Variants in LONRF1 observed in about 807,000 individuals in gnomAD.
LONRF1 encodes LON peptidase N-terminal domain and RING finger protein 1.
In LONRF1, 37 loss-of-function variants were observed where a neutral mutation model predicts 85.8. The observed-to-expected ratio is 0.43, with a 90% CI of 0.33 to 0.57. The LOEUF is 0.57. Among genes scored for constraint, LONRF1 ranks in the 20% least tolerant of loss-of-function variants. The pLI, the probability that LONRF1 is intolerant of heterozygous loss-of-function variation, is 0.04. For synonymous variants in LONRF1, 517 were observed against 390.1 expected (o/e 1.33, Z -3.83); for missense variants, 1,036 against 978.0 (o/e 1.06, Z -0.79).
chr8:12,726,950 T>C (rs533392940), intron 10 of LONRF1, among the ~76,000 whole-genome samples: 77 of 152,182 alleles, frequency 5.1e-4, no homozygotes, highest in African/African-American at 1.9e-3. Context: ...TCAAAGATGG[T>C]TAAAATGGTA....
chr8:12,751,400 G>C (rs563311072), intron 1 of LONRF1, among the ~76,000 whole-genome samples: 23 of 140,496 alleles, frequency 1.6e-4, no homozygotes, highest in African/African-American at 3.4e-4. Context: ...TCCACTTTCC[G>C]GGTTCAAGCA....
intron 4 of LONRF1, among the ~76,000 whole-genome samples, 159 bp downstream of exon 4, chr8:12,737,836 T>C (rs745629753): frequency 2.3e-4 from 35 of 152,338 alleles, no homozygotes; most frequent in Non-Finnish European, 4.3e-4. Flanking sequence ...TAAAAGATTT[T>C]AGTGTAAAGT....
chr8:12,753,072 T>G (rs1027191067), intron 1 of LONRF1: 1 of 152,228 alleles, frequency 6.6e-6, no homozygotes, highest in African/African-American at 2.4e-5. Context: ...CAGTTTCTCT[T>G]CTCTTTATTC....
chr8:12,723,475 G>A (rs1035221315), intron 11 of LONRF1, among the ~76,000 whole-genome samples: 4 of 152,176 alleles, frequency 2.6e-5, no homozygotes, highest in Admixed American at 6.5e-5. Flanking sequence ...TGGCAGAGCC[G>A]AGATTCAAAT....
chr8:12,730,214 C>G (rs957092823), intron 8 of LONRF1, among the ~76,000 whole-genome samples: 1 of 152,112 alleles, frequency 6.6e-6, no homozygotes, highest in Admixed American at 6.5e-5. Context: ...TGTGTATGAA[C>G]TGAATTAGAA....
chr8:12,729,398 A>G lies in LONRF1; in HGVS notation c.1689-66T>C. 5 of 1,493,688 alleles carry G rather than the reference A, an allele frequency of 3.3e-6. No individual in the cohort carries two copies. The Admixed American group carries it at 8.9e-5, about 27-fold the overall frequency. 92.5% of individuals were successfully genotyped at this position (1,493,688 alleles called of 1,614,324 possible). On this transcript the variant is annotated intron_variant, in intron 8 of 11. Coordinates refer to ENST00000398246, the MANE Select transcript of LONRF1 (RefSeq NM_152271.5). Reference sequence around the variant, plus strand: ...AAAATATTACCGAACACATACAAAAAATGAGTGAGGTTTATAACAGTAATG... The same window carrying G: ...AAAATATTACCGAACACATACAAAAGATGAGTGAGGTTTATAACAGTAATG...
At chr8:12,738,291 G>GT in intron 3 of LONRF1, 147 bp from the exon 4 acceptor site, 1 of 548,304 alleles carries the variant, frequency 1.8e-6, no homozygotes, top group Non-Finnish European at 3.0e-6. Flanking sequence ...AAGCAACACT[G>GT]TAAGTTCAAA....
chr8:12,724,332 G>T (rs1806066343), intron 11 of LONRF1, among the ~76,000 whole-genome samples: 1 of 152,152 alleles, frequency 6.6e-6, no homozygotes, highest in South Asian at 2.1e-4. Flanking sequence ...TTTCTCCACT[G>T]CTGTAGACTG....
At chr8:12,739,341 CA>C (rs35823658) in intron 3 of LONRF1, among the ~76,000 whole-genome samples, 88,790 of 106,120 alleles carry the variant, frequency 0.84, 36,203 homozygotes, top group Admixed American at 0.89. Flanking sequence ...ATATGTTCAG[CA>C]AAAAAAAAAA....
Position 12,737,086 on chromosome 8 carries a change from C to T in LONRF1, c.1168G>A (p.Ala390Thr). The T allele has an allele frequency of 1.2e-6, 2 of 1,613,584 alleles. No homozygotes were observed. The highest frequency in any genetic ancestry group is 1.7e-6 in the Non-Finnish European group (2 of 1,179,676). Residue 390 changes from alanine (A) to threonine (T), a missense_variant, in exon 5 of 12, where the codon GCT (alanine) becomes ACT (threonine). Coordinates refer to ENST00000398246, the MANE Select transcript of LONRF1 (RefSeq NM_152271.5). ...SEPVKGSLNR[A>T]QSAQSINSTE... ...GAATTTATAGACTGTGCTGACTGAGCACGGTTTAAGCTTCCTTTGACAGGC... is the reference window on the plus strand; with the variant it reads ...GAATTTATAGACTGTGCTGACTGAGTACGGTTTAAGCTTCCTTTGACAGGC...
chr8:12,725,548 T>G (rs191687258), intron 11 of LONRF1, among the ~76,000 whole-genome samples, 179 bp downstream of exon 11: 33 of 152,264 alleles, frequency 2.2e-4, no homozygotes, highest in Non-Finnish European at 2.2e-4. Flanking sequence ...GTACGGAATG[T>G]AGTGGAGACC....
chr8:12,748,282 G>A (rs927043447), intron 1 of LONRF1, among the ~76,000 whole-genome samples: 1 of 152,046 alleles, frequency 6.6e-6, no homozygotes, highest in Non-Finnish European at 1.5e-5. Context: ...ATGGCTCACC[G>A]CAGCCTCGAC....
chr8:12,730,566 T>G (rs1010068176), intron 8 of LONRF1, among the ~76,000 whole-genome samples: 8 of 149,998 alleles, frequency 5.3e-5, no homozygotes, highest in African/African-American at 2.0e-4. Context: ...GTCTCCCTCC[T>G]CTGTCCTTTG....
At chr8:12,743,355 C>T (rs1464410779) in intron 1 of LONRF1, 73 bp from the exon 2 acceptor site, 3 of 954,608 alleles carry the variant, frequency 3.1e-6, no homozygotes, top group South Asian at 3.1e-5. Flanking sequence ...TATGATCATA[C>T]CAGATTAAGA....
At chr8:12,743,549 T>A (rs917063046) in intron 1 of LONRF1, among the ~76,000 whole-genome samples, 2 of 152,212 alleles carry the variant, frequency 1.3e-5, no homozygotes, top group Non-Finnish European at 2.9e-5. Flanking sequence ...ATAATATGAA[T>A]AATCACTCCT....
chr8:12,735,807 C>T (rs967646514), intron 6 of LONRF1, among the ~76,000 whole-genome samples: 6 of 152,050 alleles, frequency 3.9e-5, no homozygotes, highest in African/African-American at 1.2e-4. Flanking sequence ...TTTTGTATAG[C>T]CTTTAGATTC....
intron 1 of LONRF1, 92 bp downstream of exon 1, chr8:12,754,608 G>C: frequency 4.1e-6 from 5 of 1,220,780 alleles, no homozygotes; most frequent in Non-Finnish European, 4.1e-6. Context: ...AAGCAGAGGA[G>C]ACTCTCGGGG....
At chr8:12,741,634 G>A (rs978417784) in intron 2 of LONRF1, among the ~76,000 whole-genome samples, 28 of 151,770 alleles carry the variant, frequency 1.8e-4, no homozygotes, top group African/African-American at 6.0e-4. Flanking sequence ...GAAATTATAC[G>A]TAAAATTATA....
rs550649820 is a variant in LONRF1 at position 12,743,021 on chromosome 8, T to C, written c.840+143A>G. On this transcript the variant is annotated intron_variant, in intron 2 of 11. Transcript: ENST00000398246. The stretch of plus-strand genomic sequence containing the variant: ...GATTATGGAAATGAGCCATTGCACC[T>C]AGGTGAACCTATATTTCTAGAGCAC... The C allele has an allele frequency of 4.1e-4, 265 of 640,480 alleles. 4 individuals carry two copies. The South Asian group carries it at 4.6e-3, about 11-fold the overall frequency. 39.7% of individuals were successfully genotyped at this position (640,480 alleles called of 1,614,324 possible).
Sources: allele counts gnomAD v4.1 joint callset (sites outside exome capture counted in the v4.1 genomes callset), GRCh38; gene constraint gnomAD v4.1.1; transcripts MANE v1.5; gene names NCBI Gene and HGNC (gene_info 2026-07-23, HGNC 2026-07-21).